Variants in KDM5C observed in about 807,000 individuals in gnomAD.
The protein encoded by KDM5C is lysine-specific demethylase 5C.
In KDM5C, 16 loss-of-function variants were observed where a neutral mutation model predicts 110.6. That is an observed-to-expected ratio of 0.14 (90% CI 0.10 to 0.22). The LOEUF is 0.22. KDM5C is among the 10% of genes least tolerant of loss of function. The pLI is 1.00. For missense variants in KDM5C, 681 were observed against 1,300.9 expected, an observed-to-expected ratio of 0.52 and a Z score of 7.33; for synonymous variants, 511 against 520.4, an observed-to-expected ratio of 0.98 and a Z score of 0.24.
intron 12 of KDM5C, among the ~76,000 whole-genome samples, chrX:53,209,386 C>A (rs1212900167): frequency 9.0e-6 from 1 of 110,895 alleles, no homozygotes; most frequent in Non-Finnish European, 1.9e-5. Context: ...TTAAATATCA[C>A]TAAATTTTAT....
chrX:53,180,971 G>A (rs377296206), intron 25 of KDM5C, among the ~76,000 whole-genome samples: 1 of 106,724 alleles, frequency 9.4e-6, no homozygotes, highest in Non-Finnish European at 1.9e-5. Context: ...CTCGTGATCC[G>A]CCCGCCTCGG....
intron 1 of KDM5C, among the ~76,000 whole-genome samples, chrX:53,223,548 A>G (rs2146971118): frequency 9.0e-6 from 1 of 111,500 alleles, no homozygotes; most frequent in South Asian, 3.7e-4. Context: ...GGAGACACCC[A>G]CTCAAAAACA....
chrX:53,195,887 G>C (rs2146831541), intron 20 of KDM5C, 29 bp downstream of exon 20: 1 of 1,200,339 alleles, frequency 8.3e-7, no homozygotes, highest in East Asian at 3.0e-5. Context: ...TGGACTGAAG[G>C]CCTGGGGTGG....
intron 12 of KDM5C, among the ~76,000 whole-genome samples, chrX:53,208,918 C>A (rs1021645137): frequency 3.0e-5 from 3 of 99,825 alleles, no homozygotes; most frequent in Non-Finnish European, 6.0e-5. Flanking sequence ...CGGGTTCAAG[C>A]GATTCTCCTG....
rs1248027469 is a variant in KDM5C at position 53,217,895 on chromosome X, G to A, written c.423C>T (p.Leu141=). ...DRRWARVAQR[L]NYPPGKNIGS... ...CAATATTTTTGCCTGGTGGATAGTT[G>A]AGGCGCTGGGCTACCCGAGCCCACC... The change falls in exon 4 of 26, where the codon CTC becomes CTT. Residue 141 remains leucine, a synonymous_variant. Transcript: ENST00000375401. The A allele has an allele frequency of 2.2e-5, 26 of 1,209,153 alleles. No homozygotes were observed. The Admixed American group carries it at 3.3e-4, about 15-fold the overall frequency.
At chrX:53,213,050 T>G (rs2073622571) in intron 8 of KDM5C, among the ~76,000 whole-genome samples, 1 of 112,241 alleles carries the variant, frequency 8.9e-6, no homozygotes, top group Non-Finnish European at 1.9e-5. Context: ...CACTGGCTTT[T>G]ACAGTATCAA....
chrX:53,210,530 G>A lies in KDM5C; in HGVS notation c.1630C>T (p.His544Tyr). The change falls in exon 12 of 26, where the codon CAT becomes TAT. Residue 544 changes from histidine (H) to tyrosine (Y), a missense_variant. Coordinates refer to ENST00000375401, the MANE Select transcript of KDM5C (RefSeq NM_004187.5). ...WYGVPSLAAEHLEEVMKKLTP... is the reference protein window; with the variant it reads ...WYGVPSLAAEYLEEVMKKLTP... ...AGCTTCTTCATCACTTCTTCCAAAT[G>A]TTCTGCTGCAAGTGAGGGCACCCCA... 8.3e-7 allele frequency: 1 copy of A among 1,211,809 alleles called. No individual in the cohort carries two copies. The highest frequency in any genetic ancestry group is 1.8e-5 in the South Asian group (1 of 56,994).
chrX:53,182,014 C>T (rs1408911392), intron 25 of KDM5C, among the ~76,000 whole-genome samples: 10 of 110,694 alleles, frequency 9.0e-5, no homozygotes, highest in Admixed American at 5.7e-4. Flanking sequence ...GGTCTCGATC[C>T]CCTGACCTCG....
At chrX:53,221,421 T>C (rs189861908) in intron 1 of KDM5C, among the ~76,000 whole-genome samples, 5 of 111,784 alleles carry the variant, frequency 4.5e-5, no homozygotes, top group Admixed American at 2.8e-4. Context: ...GGTGGGAATA[T>C]GAACTCTAGC....
Position 53,217,797 on chromosome X carries a change from A to C in KDM5C, c.521T>G (p.Val174Gly). The change falls in exon 4 of 26, where the codon GTG becomes GGG. Residue 174 changes from valine to glycine, a missense_variant and splice_region_variant. Around this residue, in one of 14 missense-constraint regions of KDM5C, gnomAD observed 55 missense variants for 118.0 expected, o/e 0.47. Coordinates refer to ENST00000375401, the MANE Select transcript of KDM5C (RefSeq NM_004187.5). ...YEMYQSGANL[V>G]QCNTRPFDNE... ...CCTGCCCCACTGTGACATCCTTACC[A>C]CAAGGTTGGCTCCAGACTGGTACAT... The C allele has an allele frequency of 8.3e-7, 1 of 1,211,439 alleles. No individual in the cohort carries two copies. The highest frequency in any genetic ancestry group is 1.1e-6 in the Non-Finnish European group (1 of 895,159).
In KDM5C at chrX:53,193,260, C is replaced by G; in HGVS notation, c.4390G>C (p.Asp1464His). Residue 1464 changes from aspartate to histidine, a missense_variant, in exon 26 of 26, where the codon GAT becomes CAT. Physicochemically the swap from Asp to His is moderately conservative, Grantham distance 81. Transcript: ENST00000375401. ...ALERRRRRKV[D>H]RGGEGDDPAR... ...GGGTCATCGCCCTCCCCACCCCGAT[C>G]CACCTTCCGCCGCCGCCGCCTCTCC... 8.3e-7 allele frequency: 1 copy of G among 1,208,992 alleles called. No individual in the cohort carries two copies. Among genetic ancestry groups the G allele is most frequent in the Non-Finnish European group, 1.1e-6 (1 of 895,182 alleles).
At position 53,195,112 on chromosome X, in the gene KDM5C, C is replaced by T. The variant is rs782736437; in HGVS notation, c.3301-44G>A. 1.5e-5 allele frequency: 18 copies of T among 1,190,115 alleles called. No individual in the cohort carries two copies. In the East Asian group the frequency reaches 5.5e-4, roughly 36 times the overall value. On this transcript the variant is annotated intron_variant, in intron 21 of 25. Transcript: ENST00000375401. ...AGAGGGAATGACTGGGCTTCCCTTACATCCCCCGCCTCCTTCCCTCCCTGG... is the reference window on the plus strand; with the variant it reads ...AGAGGGAATGACTGGGCTTCCCTTATATCCCCCGCCTCCTTCCCTCCCTGG...
At chrX:53,179,191 G>A (rs1602140750) in intron 25 of KDM5C, among the ~76,000 whole-genome samples, 2 of 107,706 alleles carry the variant, frequency 1.9e-5, no homozygotes. Context: ...CCAAGATCGT[G>A]CCATTGCACT....
rs1418135662 is a variant in KDM5C at position 53,200,372 on chromosome X, T to C, written c.2061+1178A>G. Reference sequence around the variant, plus strand: ...AATACACATACAATCTCTTACAGGATTCCAAGACTATGGTGTCCAGAATGC... The same window carrying C: ...AATACACATACAATCTCTTACAGGACTCCAAGACTATGGTGTCCAGAATGC... On this transcript the variant is annotated intron_variant, in intron 14 of 25. Coordinates refer to ENST00000375401, the MANE Select transcript of KDM5C (RefSeq NM_004187.5). 1.8e-5 allele frequency among the ~76,000 whole-genome samples: 2 copies of C among 111,548 alleles called. 1 individual carries two copies. Among genetic ancestry groups the C allele is most frequent in the Non-Finnish European group, 3.8e-5 (2 of 53,148 alleles).
At chrX:53,205,971 C>T (rs2073316017) in intron 12 of KDM5C, among the ~76,000 whole-genome samples, 1 of 112,242 alleles carries the variant, frequency 8.9e-6, no homozygotes, top group African/African-American at 3.2e-5. Flanking sequence ...ACTTGATGCT[C>T]ATAACTCTGT....
At chrX:53,223,005 C>A (rs2073937811) in intron 1 of KDM5C, among the ~76,000 whole-genome samples, 2 of 111,851 alleles carry the variant, frequency 1.8e-5, no homozygotes, top group Admixed American at 9.5e-5. Flanking sequence ...AAAACAAAAC[C>A]AAACCAGAGA....
chrX:53,221,472 G>C (rs969855688), intron 1 of KDM5C, among the ~76,000 whole-genome samples: 1 of 112,196 alleles, frequency 8.9e-6, no homozygotes, highest in Non-Finnish European at 1.9e-5. Context: ...ATTAAAACTA[G>C]TTTTCAAATG....
downstream of KDM5C, among the ~76,000 whole-genome samples, chrX:53,189,440 G>A (rs1934333566): frequency 8.9e-6 from 1 of 112,614 alleles, no homozygotes. Flanking sequence ...CTCACATGGA[G>A]CTGAGCACCC....
In KDM5C at chrX:53,215,971, CCTT is replaced by C. The variant is rs781837284; in HGVS notation, c.784_786del (p.Lys262del). The C allele has an allele frequency of 8.3e-7, 1 of 1,211,896 alleles. No individual in the cohort carries two copies. Among genetic ancestry groups the C allele is most frequent in the Non-Finnish European group, 1.1e-6 (1 of 895,487 alleles). Reference sequence around the variant, plus strand: ...ACTGTGGGGGGACACTCAGGCCCCTCCTTATCTGGGAGAGAGAAAAATGGCTGT... The same window carrying C: ...ACTGTGGGGGGACACTCAGGCCCCTCATCTGGGAGAGAGAAAAATGGCTGT... On this transcript the variant is annotated inframe_deletion and splice_region_variant, in exon 7 of 26. Transcript: ENST00000375401.
Sources: allele counts gnomAD v4.1 joint callset (sites outside exome capture counted in the v4.1 genomes callset), GRCh38; gene constraint gnomAD v4.1.1; regional missense constraint gnomAD v4.1.1; transcripts MANE v1.5; gene names NCBI Gene and HGNC (gene_info 2026-07-23, HGNC 2026-07-21).